JAZF1: variants seen among roughly 807,000 people sequenced by gnomAD.
The protein encoded by JAZF1 is juxtaposed with another zinc finger protein 1.
A neutral mutation model predicts 26.4 loss-of-function variants in JAZF1; 8 were observed. That is an observed-to-expected ratio of 0.30 (90% CI 0.18 to 0.55). JAZF1 has a LOEUF of 0.55. JAZF1 is among the 20% of genes least tolerant of loss of function. JAZF1 has a pLI of 0.94. For synonymous variants in JAZF1, 126 were observed against 122.3 expected (o/e 1.03, Z -0.20); for missense variants, 199 against 322.0 (o/e 0.62, Z 2.92).
intron 1 of JAZF1, among the ~76,000 whole-genome samples, chr7:28,118,943 C>G (rs1419203225): frequency 6.6e-6 from 1 of 152,166 alleles, no homozygotes; most frequent in Non-Finnish European, 1.5e-5. Flanking sequence ...CAACAAAATA[C>G]CCCTACATAA....
intron 1 of JAZF1, among the ~76,000 whole-genome samples, chr7:28,023,705 A>G (rs958614300): frequency 8.5e-5 from 13 of 152,252 alleles, no homozygotes; most frequent in African/African-American, 3.1e-4. Flanking sequence ...CTAGGCGCTA[A>G]GGCAAAGTGA....
At chr7:27,878,811 G>A (rs1311316099) in intron 3 of JAZF1, among the ~76,000 whole-genome samples, 3 of 152,168 alleles carry the variant, frequency 2.0e-5, no homozygotes, top group African/African-American at 7.2e-5. Flanking sequence ...TTTTAAAAGA[G>A]AGCAGTAGGT....
chr7:27,941,221 G>C (rs1784841677), intron 2 of JAZF1, among the ~76,000 whole-genome samples: 1 of 152,188 alleles, frequency 6.6e-6, no homozygotes, highest in Non-Finnish European at 1.5e-5. Flanking sequence ...TTAGGAATAA[G>C]ATTTCAAGCT....
At chr7:27,848,202 AT>A (rs1251855429) in intron 3 of JAZF1, among the ~76,000 whole-genome samples, 1 of 152,048 alleles carries the variant, frequency 6.6e-6, no homozygotes, top group African/African-American at 2.4e-5. Flanking sequence ...AGCAAGGGAT[AT>A]TTTTCATTTA....
rs375859244 is a variant in JAZF1, at chr7:27,898,304, T to TATATATATATATATACAC, written c.189-2889_189-2888insGTGTATATATATATATAT. ...TCTAACTCATATATATATATATATA[T>TATATATATATATATACAC]ACATCGGTTTTTTTTTTTTTTTTTT... On this transcript the variant is annotated intron_variant, in intron 2 of 4. Coordinates refer to ENST00000283928, the MANE Select transcript of JAZF1 (RefSeq NM_175061.4). Among the ~76,000 whole-genome samples, 326 of 128,920 alleles carry TATATATATATATATACAC rather than the reference T, an allele frequency of 2.5e-3. 1 individual carries two copies. Among genetic ancestry groups the TATATATATATATATACAC allele is most frequent in the Non-Finnish European group, 3.4e-3 (219 of 63,942 alleles). The allele number at this position is 128,920 out of a possible 152,430, so 84.6% of individuals were successfully genotyped here.
intron 3 of JAZF1, among the ~76,000 whole-genome samples, chr7:27,862,155 G>A (rs1783394546): frequency 6.6e-6 from 1 of 151,966 alleles, no homozygotes; most frequent in Non-Finnish European, 1.5e-5. Context: ...CACATTCAGA[G>A]GTATCTGTAG....
intron 2 of JAZF1, among the ~76,000 whole-genome samples, chr7:27,924,062 C>A (rs370631696): frequency 6.6e-6 from 1 of 152,256 alleles, no homozygotes; most frequent in Non-Finnish European, 1.5e-5. Flanking sequence ...TTTTCATGAT[C>A]ATTTTCTCCT....
chr7:28,083,571 G>A (rs79436061), intron 1 of JAZF1, among the ~76,000 whole-genome samples: 4,431 of 152,160 alleles, frequency 0.029, 87 homozygotes, highest in South Asian at 0.081. Context: ...CAGGGTTGCC[G>A]TGAAGACTAA....
At chr7:27,976,339 C>T (rs1330755143) in intron 2 of JAZF1, among the ~76,000 whole-genome samples, 11 of 82,434 alleles carry the variant, frequency 1.3e-4, no homozygotes, top group Non-Finnish European at 1.7e-4. Flanking sequence ...AGCCAGACTC[C>T]GTCTCAAAAA....
intron 3 of JAZF1, among the ~76,000 whole-genome samples, chr7:27,867,974 C>T (rs7806169): frequency 0.72 from 109,916 of 152,142 alleles, 40,355 homozygotes; most frequent in African/African-American, 0.85. Flanking sequence ...AGAGGACACT[C>T]TGTGACCGAC....
chr7:28,030,978 T>C (rs1344973283), intron 1 of JAZF1, among the ~76,000 whole-genome samples: 1 of 152,200 alleles, frequency 6.6e-6, no homozygotes, highest in African/African-American at 2.4e-5. Context: ...AAAGGCACAG[T>C]TGTCATTAAA....
At chr7:28,012,564 G>C (rs938776708) in intron 1 of JAZF1, among the ~76,000 whole-genome samples, 2 of 152,230 alleles carry the variant, frequency 1.3e-5, no homozygotes, top group Admixed American at 1.3e-4. Context: ...CTGCACCCCT[G>C]GGCTGCCTCC....
chr7:28,084,848 A>G (rs1306014795), intron 1 of JAZF1, among the ~76,000 whole-genome samples: 1 of 152,192 alleles, frequency 6.6e-6, no homozygotes, highest in Non-Finnish European at 1.5e-5. Context: ...TTAATCCCCA[A>G]TATGGCAGTA....
At chr7:27,873,442 G>T (rs1025333489) in intron 3 of JAZF1, among the ~76,000 whole-genome samples, 8 of 152,010 alleles carry the variant, frequency 5.3e-5, no homozygotes, top group Admixed American at 6.6e-5. Flanking sequence ...TATGCTTCCC[G>T]AACCCAACAC....
At chr7:28,013,555 G>A (rs1031794263) in intron 1 of JAZF1, among the ~76,000 whole-genome samples, 4 of 152,044 alleles carry the variant, frequency 2.6e-5, no homozygotes, top group African/African-American at 9.7e-5. Context: ...AAGCTCCCAG[G>A]TGACGATGAT....
At chr7:27,908,969 T>C (rs1784309703) in intron 2 of JAZF1, among the ~76,000 whole-genome samples, 1 of 151,926 alleles carries the variant, frequency 6.6e-6, no homozygotes, top group Non-Finnish European at 1.5e-5. Flanking sequence ...TCAGGTATTA[T>C]TAGGTTATTC....
chr7:28,028,485 A>C (rs546594670), intron 1 of JAZF1, among the ~76,000 whole-genome samples: 1 of 152,254 alleles, frequency 6.6e-6, no homozygotes, highest in Non-Finnish European at 1.5e-5. Flanking sequence ...TGAAGGCAAT[A>C]TGTAGAGATG....
intron 2 of JAZF1, among the ~76,000 whole-genome samples, chr7:27,930,899 C>T (rs895249231): frequency 2.0e-5 from 3 of 151,882 alleles, no homozygotes; most frequent in Non-Finnish European, 4.4e-5. Flanking sequence ...ATCAGCAGGA[C>T]AGTGGTATTA....
chr7:27,853,121 C>T (rs568127935), intron 3 of JAZF1, among the ~76,000 whole-genome samples: 1 of 152,128 alleles, frequency 6.6e-6, no homozygotes, highest in Non-Finnish European at 1.5e-5. Flanking sequence ...TGTACTTCTG[C>T]TGGTTTTTGG....
Sources: gnomAD v4.1 joint callset for allele counts (sites outside exome capture counted in the v4.1 genomes callset) on GRCh38, gnomAD v4.1.1 for gene constraint, MANE v1.5 for transcripts, NCBI Gene and HGNC (gene_info 2026-07-23, HGNC 2026-07-21) for gene names.